GORASP2: variants seen among roughly 807,000 people sequenced by gnomAD.
The protein encoded by GORASP2 is golgi reassembly stacking protein 2.
GORASP2 carries 22 observed loss-of-function variants against 45.7 expected under a neutral mutation model. The ratio of observed to expected loss-of-function variants is 0.48; its 90% CI spans 0.34 to 0.69. The LOEUF is 0.69. Ranked by LOEUF, GORASP2 falls within the 30% of genes least tolerant of loss-of-function variation. GORASP2 has a pLI of 0.01. For synonymous variants in GORASP2, 221 were observed against 215.6 expected (o/e 1.02, Z -0.22); for missense variants, 491 against 562.7 (o/e 0.87, Z 1.29).
chr2:170,933,952 CAG>C (rs1190142397), intron 1 of GORASP2, among the ~76,000 whole-genome samples: 3 of 149,410 alleles, frequency 2.0e-5, no homozygotes, highest in African/African-American at 2.4e-5. Flanking sequence ...TAGGTGTTCT[CAG>C]AGAAGCAAGT....
chr2:170,946,908 C>T (rs1704191999), intron 1 of GORASP2, among the ~76,000 whole-genome samples: 1 of 151,898 alleles, frequency 6.6e-6, no homozygotes. Flanking sequence ...TCACTGCACT[C>T]CAGCCTAGGC....
intron 2 of GORASP2, among the ~76,000 whole-genome samples, chr2:170,949,325 T>C (rs1167416312): frequency 6.6e-6 from 1 of 152,232 alleles, no homozygotes; most frequent in African/African-American, 2.4e-5. Flanking sequence ...CATAATGAGC[T>C]ATTAGAAAAA....
At position 170,959,007 on chromosome 2, in the gene GORASP2, C is replaced by T. The variant is rs887430704; in HGVS notation, c.823+2448C>T. On this transcript the variant is annotated intron_variant, in intron 7 of 9. Coordinates refer to ENST00000234160, the MANE Select transcript of GORASP2 (RefSeq NM_015530.5). ...CAGAGTTTCACTCTTGTTGCCCAGG[C>T]TGGAGTGCAATGGCGCTATCTCAGC... Among the ~76,000 whole-genome samples, 5 of 150,450 alleles carry T rather than the reference C, an allele frequency of 3.3e-5. No individual in the cohort carries two copies. In the South Asian group the frequency reaches 1.1e-3, roughly 32 times the overall value.
At chr2:170,956,742 TAAAA>T (rs35604404) in intron 7 of GORASP2, among the ~76,000 whole-genome samples, 183 bp downstream of exon 7, 3 of 149,232 alleles carry the variant, frequency 2.0e-5, no homozygotes, top group East Asian at 2.0e-4. Flanking sequence ...ACCACGTCTC[TAAAA>T]AAAAAAAACT....
intron 1 of GORASP2, among the ~76,000 whole-genome samples, chr2:170,937,782 C>T (rs1703989581): frequency 6.6e-6 from 1 of 152,104 alleles, no homozygotes; most frequent in Non-Finnish European, 1.5e-5. Context: ...AGTTTGAGAC[C>T]AGCCTAGACA....
At chr2:170,959,244 G>A (rs1193918000) in intron 7 of GORASP2, among the ~76,000 whole-genome samples, 1 of 152,254 alleles carries the variant, frequency 6.6e-6, no homozygotes, top group Non-Finnish European at 1.5e-5. Flanking sequence ...TTACAGGCAT[G>A]AGCCATCGTG....
chr2:170,953,513 G>T (rs1383033893), intron 5 of GORASP2, among the ~76,000 whole-genome samples: 2 of 152,268 alleles, frequency 1.3e-5, no homozygotes, highest in South Asian at 4.1e-4. Context: ...TTGTCAAGTT[G>T]TTTGGGAAAT....
At chr2:170,955,970 T>G (rs1704416922) in intron 6 of GORASP2, among the ~76,000 whole-genome samples, 1 of 152,230 alleles carries the variant, frequency 6.6e-6, no homozygotes, top group African/African-American at 2.4e-5. Flanking sequence ...GAGAAAATAT[T>G]AAATGCACTC....
chr2:170,944,108 A>T (rs1198084753), intron 1 of GORASP2, among the ~76,000 whole-genome samples: 1 of 152,250 alleles, frequency 6.6e-6, no homozygotes, highest in African/African-American at 2.4e-5. Flanking sequence ...AAGAAAGCGA[A>T]GATAAATTAA....
intron 9 of GORASP2, among the ~76,000 whole-genome samples, chr2:170,964,056 G>A (rs1355776514): frequency 1.3e-5 from 2 of 152,246 alleles, no homozygotes; most frequent in African/African-American, 4.8e-5. Flanking sequence ...AGCTGGAGAT[G>A]TCTACGGTAG....
At chr2:170,949,178 C>G (rs1257207902) in intron 2 of GORASP2, among the ~76,000 whole-genome samples, 1 of 152,032 alleles carries the variant, frequency 6.6e-6, no homozygotes, top group Non-Finnish European at 1.5e-5. Flanking sequence ...AACGTTAACC[C>G]CAGTAAATGT....
intron 1 of GORASP2, among the ~76,000 whole-genome samples, chr2:170,939,536 C>G (rs182479760): frequency 6.6e-6 from 1 of 152,234 alleles, no homozygotes; most frequent in Non-Finnish European, 1.5e-5. Flanking sequence ...ATGGAAAATT[C>G]CAGAAATAAA....
intron 1 of GORASP2, among the ~76,000 whole-genome samples, chr2:170,937,260 G>A (rs986504378): frequency 6.6e-6 from 1 of 152,114 alleles, no homozygotes; most frequent in African/African-American, 2.4e-5. Context: ...CCAGGCTGGA[G>A]TGCAGTGTCA....
At chr2:170,952,034 G>A (rs544788090) in intron 5 of GORASP2, among the ~76,000 whole-genome samples, 37 of 152,156 alleles carry the variant, frequency 2.4e-4, no homozygotes, top group Non-Finnish European at 4.6e-4. Flanking sequence ...GGATCTATTC[G>A]AGGCATTCAA....
intron 2 of GORASP2, 22 bp from the exon 3 acceptor site, chr2:170,949,517 T>G (rs772950644): frequency 1.3e-6 from 2 of 1,585,412 alleles, no homozygotes; most frequent in Non-Finnish European, 1.7e-6. Flanking sequence ...TACTAAGGAA[T>G]GTGATTTCTA....
intron 1 of GORASP2, chr2:170,936,557 T>A (rs772638520): frequency 1.3e-5 from 12 of 933,062 alleles, no homozygotes; most frequent in Non-Finnish European, 1.8e-5. Context: ...ATTTCCCTGT[T>A]GGCATTGCAA....
intron 7 of GORASP2, among the ~76,000 whole-genome samples, chr2:170,959,053 TG>T: frequency 6.6e-6 from 1 of 152,178 alleles, no homozygotes; most frequent in East Asian, 1.9e-4. Flanking sequence ...CTCCGCCTCC[TG>T]GGTTCAAGCG....
At position 170,939,299 on chromosome 2, in the gene GORASP2, C is replaced by T. The variant is rs1410142438; in HGVS notation, c.64-9051C>T. Reference sequence around the variant, plus strand: ...TATGTCAGGGTTAGTGTCAGGAGAACATGTACTTTGCTTTGTTTTGGAAGA... The same window carrying T: ...TATGTCAGGGTTAGTGTCAGGAGAATATGTACTTTGCTTTGTTTTGGAAGA... On this transcript the variant is annotated intron_variant, in intron 1 of 9. Coordinates refer to ENST00000234160, the MANE Select transcript of GORASP2 (RefSeq NM_015530.5). Among the ~76,000 whole-genome samples, 4 of 152,162 alleles carry T rather than the reference C, an allele frequency of 2.6e-5. No individual in the cohort carries two copies. In the East Asian group the frequency reaches 7.7e-4, roughly 29 times the overall value.
intron 1 of GORASP2, among the ~76,000 whole-genome samples, chr2:170,932,771 C>T (rs1003277625): frequency 6.6e-6 from 1 of 152,182 alleles, no homozygotes; most frequent in Non-Finnish European, 1.5e-5. Context: ...CGCCCCTTAG[C>T]CATGTTTCAC....
Sources: gnomAD v4.1 joint callset for allele counts (sites outside exome capture counted in the v4.1 genomes callset) on GRCh38, gnomAD v4.1.1 for gene constraint, MANE v1.5 for transcripts, NCBI Gene and HGNC (gene_info 2026-07-23, HGNC 2026-07-21) for gene names.